Variants in GRIK2 observed in about 807,000 individuals in gnomAD.
GRIK2 encodes the protein glutamate receptor ionotropic, kainate 2.
A neutral mutation model predicts 100.3 loss-of-function variants in GRIK2; 32 were observed. The observed-to-expected ratio is 0.32, with a 90% CI of 0.24 to 0.43. The LOEUF is 0.43. Ranked by LOEUF, GRIK2 falls within the 20% of genes least tolerant of loss-of-function variation. The pLI, the probability that GRIK2 is intolerant of heterozygous loss-of-function variation, is 1.00. For missense variants in GRIK2, 843 were observed against 1,114.9 expected, an observed-to-expected ratio of 0.76 and a Z score of 3.47; for synonymous variants, 417 against 389.4, an observed-to-expected ratio of 1.07 and a Z score of -0.83.
intron 10 of GRIK2, among the ~76,000 whole-genome samples, chr6:101,849,496 T>C (rs1783993269): frequency 6.6e-6 from 1 of 152,060 alleles, no homozygotes; most frequent in African/African-American, 2.4e-5. Flanking sequence ...GCATAATTGT[T>C]CCACTATTTC....
chr6:102,010,458 A>T (rs1453949192), intron 14 of GRIK2, among the ~76,000 whole-genome samples: 1 of 151,490 alleles, frequency 6.6e-6, no homozygotes, highest in East Asian at 2.0e-4. Context: ...ATCTAGGCTC[A>T]CTGCAACCTC....
intron 2 of GRIK2, among the ~76,000 whole-genome samples, chr6:101,525,336 G>A (rs973715621): frequency 1.3e-5 from 2 of 152,312 alleles, no homozygotes; most frequent in Admixed American, 6.5e-5. Context: ...GCTAATATTT[G>A]TGGTCAGCTG....
chr6:101,751,098 T>G, intron 7 of GRIK2, among the ~76,000 whole-genome samples: 1 of 152,126 alleles, frequency 6.6e-6, no homozygotes, highest in East Asian at 1.9e-4. Flanking sequence ...TATTTATGTA[T>G]CTATTTCTTC....
intron 11 of GRIK2, among the ~76,000 whole-genome samples, chr6:101,886,889 G>A (rs1226012571): frequency 7.5e-6 from 1 of 134,010 alleles, no homozygotes; most frequent in African/African-American, 2.8e-5. Context: ...GCAGTGTTGC[G>A]ATCTCGGCTC....
At chr6:101,660,133 C>T (rs1189584072) in intron 4 of GRIK2, among the ~76,000 whole-genome samples, 1 of 152,178 alleles carries the variant, frequency 6.6e-6, no homozygotes, top group Non-Finnish European at 1.5e-5. Context: ...TTGGTTTTCT[C>T]ACATTGTTCC....
intron 2 of GRIK2, among the ~76,000 whole-genome samples, chr6:101,533,487 T>A (rs572103510): frequency 6.6e-6 from 1 of 152,070 alleles, no homozygotes; most frequent in South Asian, 2.1e-4. Context: ...GGAGAAAGAT[T>A]TTTTTTCACA....
intron 2 of GRIK2, among the ~76,000 whole-genome samples, chr6:101,612,467 A>C (rs1038239509): frequency 2.0e-5 from 3 of 151,808 alleles, no homozygotes; most frequent in African/African-American, 4.8e-5. Context: ...ATAAATGTTG[A>C]CTGTTAGGAA....
chr6:101,907,401 A>G (rs575097782), intron 12 of GRIK2, among the ~76,000 whole-genome samples: 1 of 146,946 alleles, frequency 6.8e-6, no homozygotes, highest in Non-Finnish European at 1.5e-5. Flanking sequence ...GAAAAAAAAA[A>G]GCTGAGCATA....
At chr6:102,057,471 C>T (rs2114511136) in intron 16 of GRIK2, among the ~76,000 whole-genome samples, 1 of 151,980 alleles carries the variant, frequency 6.6e-6, no homozygotes, top group East Asian at 1.9e-4. Flanking sequence ...TCAGATATTA[C>T]CCAGATCTCT....
At chr6:101,849,877 C>T (rs1434115964) in intron 10 of GRIK2, among the ~76,000 whole-genome samples, 1 of 128,558 alleles carries the variant, frequency 7.8e-6, no homozygotes, top group African/African-American at 2.9e-5. Flanking sequence ...AAAAAGGCAC[C>T]ATTAGGTAAT....
chr6:101,642,385 A>G (rs1303259716), intron 4 of GRIK2, among the ~76,000 whole-genome samples: 1 of 151,778 alleles, frequency 6.6e-6, no homozygotes, highest in Admixed American at 6.6e-5. Context: ...TGCACTAAAC[A>G]ACCATTCTCC....
Position 102,036,384 on chromosome 6 carries a change from A to C in GRIK2, c.2311+818A>C, listed in dbSNP as rs1337119343. 2.6e-5 allele frequency among the ~76,000 whole-genome samples: 4 copies of C among 151,362 alleles called. No individual in the cohort carries two copies. In the Admixed American group the frequency reaches 2.6e-4, roughly 10 times the overall value. On this transcript the variant is annotated intron_variant, in intron 15 of 16. Transcript: ENST00000369134. The stretch of plus-strand genomic sequence containing the variant: ...TGTTACTTTATAGCAATATACTTTG[A>C]ATATAGCATATGCTTTGAATATGTA...
chr6:101,937,014 A>G (rs1002108183), intron 14 of GRIK2, among the ~76,000 whole-genome samples: 1 of 152,148 alleles, frequency 6.6e-6, no homozygotes, highest in Non-Finnish European at 1.5e-5. Flanking sequence ...TGGAAGGAGC[A>G]GCAACTTTTA....
At chr6:101,415,563 G>C (rs1005738210) in intron 2 of GRIK2, among the ~76,000 whole-genome samples, 1 of 151,302 alleles carries the variant, frequency 6.6e-6, no homozygotes, top group Admixed American at 6.6e-5. Context: ...GTAGAGACGG[G>C]GTTTCACCTT....
chr6:102,002,378 G>GTT (rs1442818232), intron 14 of GRIK2, among the ~76,000 whole-genome samples: 2 of 142,700 alleles, frequency 1.4e-5, no homozygotes, highest in Non-Finnish European at 3.1e-5. Context: ...ATATATTTAT[G>GTT]TTATATATAT....
In GRIK2 at chr6:101,839,138, C is replaced by A. The variant is rs532822370; in HGVS notation, c.1318-20149C>A. ...TTTTTGTACATATCTGAATTTTGTG[C>A]CTACAAACTTTTAGCAAGACTCCAG... is the stretch of plus-strand genomic sequence containing the variant. On this transcript the variant is annotated intron_variant, in intron 10 of 16. Transcript: ENST00000369134. Among the ~76,000 whole-genome samples the A allele has an allele frequency of 5.9e-5, 9 of 152,182 alleles. No individual in the cohort carries two copies. The South Asian group carries it at 1.9e-3, about 32-fold the overall frequency.
At chr6:102,042,483 A>G (rs143056602) in intron 15 of GRIK2, among the ~76,000 whole-genome samples, 3 of 151,842 alleles carry the variant, frequency 2.0e-5, no homozygotes, top group African/African-American at 4.8e-5. Context: ...GGACTTAGAT[A>G]GCTGGAGCTT....
intron 14 of GRIK2, among the ~76,000 whole-genome samples, chr6:102,022,382 C>G (rs987761085): frequency 1.3e-5 from 2 of 151,656 alleles, no homozygotes; most frequent in African/African-American, 4.8e-5. Flanking sequence ...TACACACATA[C>G]ATTTTCTGTG....
chr6:101,619,267 G>A (rs1224003296), intron 2 of GRIK2, among the ~76,000 whole-genome samples: 1 of 150,756 alleles, frequency 6.6e-6, no homozygotes, highest in African/African-American at 2.4e-5. Context: ...TGCGTTATCT[G>A]GATGTTTTTA....
Sources: gnomAD v4.1 joint callset for allele counts (sites outside exome capture counted in the v4.1 genomes callset) on GRCh38, gnomAD v4.1.1 for gene constraint, MANE v1.5 for transcripts, NCBI Gene and HGNC (gene_info 2026-07-23, HGNC 2026-07-21) for gene names.